The following UTP20 variants were observed in gnomAD, a reference collection of about 807,000 sequenced individuals.
UTP20 encodes UTP20 small subunit processome component, also known as small subunit processome component 20 homolog.
Under a neutral mutation model 329.5 loss-of-function variants are expected in UTP20, and 164 were observed. The observed-to-expected ratio is 0.50, with a 90% CI of 0.44 to 0.57. The LOEUF is 0.57. UTP20 is among the 20% of genes least tolerant of loss of function. UTP20 has a pLI of 0.00. For missense variants in UTP20, 3,055 were observed against 3,284.2 expected, an observed-to-expected ratio of 0.93 and a Z score of 1.71; for synonymous variants, 1,151 against 1,159.3, an observed-to-expected ratio of 0.99 and a Z score of 0.14.
intron 38 of UTP20, among the ~76,000 whole-genome samples, chr12:101,350,517 T>A (rs537507793): frequency 1.3e-5 from 2 of 152,264 alleles, no homozygotes; most frequent in South Asian, 4.1e-4. Flanking sequence ...TGGGTACATT[T>A]GGATGTCTTT....
At chr12:101,289,206 G>A (rs559289793) in intron 6 of UTP20, among the ~76,000 whole-genome samples, 165 bp downstream of exon 6, 83 of 152,016 alleles carry the variant, frequency 5.5e-4, no homozygotes, top group African/African-American at 1.9e-3. Context: ...GCAAAACCCC[G>A]TCTCTACTAA....
chr12:101,346,708 A>AC, intron 38 of UTP20, 120 bp downstream of exon 38: 1 of 1,039,672 alleles, frequency 9.6e-7, no homozygotes, highest in Non-Finnish European at 1.3e-6. Context: ...GAGGTTTAGA[A>AC]TAGTTCTAAA....
In UTP20 at chr12:101,333,286, A is replaced by G. The variant is rs367832106; in HGVS notation, c.3418-15A>G. 1.1e-5 allele frequency: 17 copies of G among 1,610,264 alleles called. No homozygotes were observed. The highest frequency in any genetic ancestry group is 1.3e-5 in the Non-Finnish European group (15 of 1,178,644). ...TACATATGTATTTTTTGAACAGAAG[A>G]TCTTTGTTTTACAGATACAGCTGAG... On this transcript the variant is annotated splice_polypyrimidine_tract_variant and intron_variant, in intron 27 of 61. Transcript: ENST00000261637.
chr12:101,383,445 C>A, intron 59 of UTP20, 98 bp from the exon 60 acceptor site: 1 of 1,524,068 alleles, frequency 6.6e-7, no homozygotes, highest in South Asian at 1.3e-5. Flanking sequence ...ACATCCGTCC[C>A]AAAATAGACT....
chr12:101,327,052 A>G, intron 25 of UTP20, 29 bp from the exon 26 acceptor site: 15 of 1,566,542 alleles, frequency 9.6e-6, no homozygotes, highest in Non-Finnish European at 1.3e-5. Flanking sequence ...ATTAATGTGC[A>G]AACAAATAAT....
chr12:101,294,541 CTTTTTTT>C (rs1211436109), intron 11 of UTP20, among the ~76,000 whole-genome samples: 3 of 129,290 alleles, frequency 2.3e-5, no homozygotes, highest in Non-Finnish European at 4.9e-5. Context: ...TCTCGTTTTT[CTTTTTTT>C]TTTTTTTTTG....
chr12:101,350,820 C>A (rs1869492109), intron 38 of UTP20, among the ~76,000 whole-genome samples: 1 of 152,118 alleles, frequency 6.6e-6, no homozygotes. Flanking sequence ...CTTCCTTACT[C>A]ACGCTTACTG....
chr12:101,309,398 T>G lies in UTP20; in HGVS notation c.2155-365T>G, dbSNP rs17031243. On this transcript the variant is annotated intron_variant, in intron 18 of 61. Transcript: ENST00000261637. ...ATTCACAGCATGTTTCCTTGCGTTC[T>G]TCGGCATGTGTGCATTTCTGACTGC... Among the ~76,000 whole-genome samples the G allele has an allele frequency of 3.5e-4, 53 of 152,376 alleles. No homozygotes were observed. In the East Asian group the frequency reaches 9.4e-3, roughly 27 times the overall value.
chr12:101,329,297 C>T lies in UTP20; in HGVS notation c.3265C>T (p.Leu1089Phe), dbSNP rs578226793. The change falls in exon 27 of 62, where the codon CTT becomes TTT. Residue 1089 changes from leucine to phenylalanine, a missense_variant. By Grantham distance (22) the Leu-to-Phe change is conservative. Transcript: ENST00000261637. ...AVEDLDLSKV[L>F]PLGRQHGILN... ...AGAAGACTTGGATTTGTCTAAAGTT[C>T]TTCCTTTAGGTCGTCAGCACGGTAT... The T allele has an allele frequency of 1.1e-4, 173 of 1,614,106 alleles. 1 individual carries two copies. The South Asian group carries it at 1.9e-3, about 17-fold the overall frequency.
rs561735860 is a variant in UTP20 at position 101,321,397 on chromosome 12, A to G, written c.2916-107A>G. ...TTTATGGATATCAACCATAATATGT[A>G]CTATATACCTTATTTTAGTTATTAC... On this transcript the variant is annotated intron_variant, in intron 24 of 61. Transcript: ENST00000261637. 5 of 1,473,638 alleles carry G rather than the reference A, an allele frequency of 3.4e-6. No individual in the cohort carries two copies. The East Asian group carries it at 1.2e-4, about 35-fold the overall frequency. The allele number at this position is 1,473,638 out of a possible 1,614,324, so 91.3% of individuals were successfully genotyped here.
chr12:101,299,905 T>G, intron 13 of UTP20, 68 bp downstream of exon 13: 1 of 1,608,268 alleles, frequency 6.2e-7, no homozygotes, highest in Non-Finnish European at 8.5e-7. Context: ...TAGCCATTCC[T>G]TGCTGTTCTC....
At chr12:101,372,172 C>A (rs898377566) in intron 51 of UTP20, among the ~76,000 whole-genome samples, 1 of 152,310 alleles carries the variant, frequency 6.6e-6, no homozygotes, top group African/African-American at 2.4e-5. Flanking sequence ...AAACGGTATC[C>A]CCATTTTACC....
At position 101,385,840 on chromosome 12, in the gene UTP20, G is replaced by T; in HGVS notation, c.8202+112G>T. 4 of 1,492,464 alleles carry T rather than the reference G, an allele frequency of 2.7e-6. No homozygotes were observed. In the South Asian group the frequency reaches 5.2e-5, roughly 19 times the overall value. 92.5% of individuals were successfully genotyped at this position (1,492,464 alleles called of 1,614,324 possible). On this transcript the variant is annotated intron_variant, in intron 61 of 61. Transcript: ENST00000261637. The stretch of plus-strand genomic sequence containing the variant: ...AGGATCAAGGGTTTGAGCGGTTGGG[G>T]ACTTTATAGCTGGGACTTCAGATTT...
Position 101,352,089 on chromosome 12 carries a change from T to C in UTP20, c.4919T>C (p.Ile1640Thr), listed in dbSNP as rs918519737. 5.0e-6 allele frequency: 8 copies of C among 1,613,798 alleles called. No homozygotes were observed. The highest frequency in any genetic ancestry group is 5.9e-6 in the Non-Finnish European group (7 of 1,179,990). The change falls in exon 39 of 62, where the codon ATT becomes ACT. Residue 1640 changes from isoleucine to threonine, a missense_variant. Transcript: ENST00000261637. ...ENITTAATEI[I>T]GAICKHLSWS... Reference sequence around the variant, plus strand: ...ATAACCACTGCTGCCACAGAGATTATTGGAGCCATTTGCAAACATCTCTCT... The same window carrying C: ...ATAACCACTGCTGCCACAGAGATTACTGGAGCCATTTGCAAACATCTCTCT...
chr12:101,319,296 AC>A (rs1221024257), intron 22 of UTP20, among the ~76,000 whole-genome samples: 1 of 152,146 alleles, frequency 6.6e-6, no homozygotes, highest in Non-Finnish European at 1.5e-5. Context: ...TTCAATTTAA[AC>A]CATTCTGAGC....
At chr12:101,293,832 GCT>G (rs927887458) in intron 11 of UTP20, among the ~76,000 whole-genome samples, 4 of 151,832 alleles carry the variant, frequency 2.6e-5, no homozygotes, top group Admixed American at 1.3e-4. Context: ...TCTTCATCTT[GCT>G]CTGTTTAACA....
intron 14 of UTP20, among the ~76,000 whole-genome samples, chr12:101,301,018 T>C (rs988125196): frequency 6.6e-6 from 1 of 152,216 alleles, no homozygotes; most frequent in African/African-American, 2.4e-5. Flanking sequence ...TCAGTCTTTG[T>C]GGCATATATA....
chr12:101,354,261 C>CAAAA lies in UTP20; in HGVS notation c.5108-551_5108-548dup, dbSNP rs71091489. Among the ~76,000 whole-genome samples the CAAAA allele has an allele frequency of 6.3e-3, 505 of 79,822 alleles. 2 individuals are homozygous for CAAAA. The highest frequency in any genetic ancestry group is 8.8e-3 in the African/African-American group (234 of 26,508). The allele number at this position is 79,822 out of a possible 152,430, so 52.4% of individuals were successfully genotyped here. A position where few individuals can be genotyped will look rare whatever the true frequency, so the allele number is the denominator to read the frequency against. ...TGGGTGACACGGCAAGACTCTGTCT[C>CAAAA]AAAAAAAAAAAAAAAAAAAAAAAGA... On this transcript the variant is annotated intron_variant, in intron 40 of 61. Coordinates refer to ENST00000261637, the MANE Select transcript of UTP20 (RefSeq NM_014503.3).
At chr12:101,286,816 A>G (rs1445174825) in intron 5 of UTP20, among the ~76,000 whole-genome samples, 1 of 152,048 alleles carries the variant, frequency 6.6e-6, no homozygotes, top group Non-Finnish European at 1.5e-5. Context: ...GGCATTTTTT[A>G]ACCACCTATG....
Sources: allele counts gnomAD v4.1 joint callset (sites outside exome capture counted in the v4.1 genomes callset), GRCh38; gene constraint gnomAD v4.1.1; transcripts MANE v1.5; gene names NCBI Gene and HGNC (gene_info 2026-07-23, HGNC 2026-07-21).